Variants in C1GALT1 observed in about 807,000 individuals in gnomAD.
The protein encoded by C1GALT1 is core 1 synthase, glycoprotein-N-acetylgalactosamine 3-beta-galactosyltransferase 1, also known as glycoprotein-N-acetylgalactosamine 3-beta-galactosyltransferase 1.
Under a neutral mutation model 31.0 loss-of-function variants are expected in C1GALT1, and 11 were observed. The ratio of observed to expected loss-of-function variants is 0.36; its 90% CI spans 0.22 to 0.59. C1GALT1 has a LOEUF of 0.59. Among genes scored for constraint, C1GALT1 ranks in the 20% least tolerant of loss-of-function variants. The probability of loss-of-function intolerance (pLI) is 0.79; values close to 1 mark genes in which losing one functional copy is unlikely to be tolerated. For synonymous variants in C1GALT1, 175 were observed against 143.6 expected (o/e 1.22, Z -1.56); for missense variants, 424 against 425.2 (o/e 1.00, Z 0.03).
At chr7:7,227,492 G>A (rs10280192) in intron 1 of C1GALT1, among the ~76,000 whole-genome samples, 41 of 152,134 alleles carry the variant, frequency 2.7e-4, no homozygotes, top group African/African-American at 8.7e-4. Flanking sequence ...AGGCCGAGGC[G>A]GGCGGATCAC....
chr7:7,164,936 T>G (rs1401194953), intron 2 of C1GALT1, among the ~76,000 whole-genome samples: 1 of 152,134 alleles, frequency 6.6e-6, no homozygotes, highest in African/African-American at 2.4e-5. Context: ...CATGTAAATA[T>G]TATTTTGTAT....
rs575893715 is a variant in C1GALT1 at position 7,194,576 on chromosome 7, G to A, written c.-18+11756G>A. 9.9e-5 allele frequency among the ~76,000 whole-genome samples: 15 copies of A among 152,196 alleles called. No individual in the cohort carries two copies. In the South Asian group the frequency reaches 2.9e-3, roughly 29 times the overall value. ...ATATGCTGTTGGATTCGGCTAGCTA[G>A]TATTTTGTTGAGGATTTTTGCATCT... On this transcript the variant is annotated intron_variant, in intron 1 of 3. Coordinates refer to ENST00000436587, the MANE Select transcript of C1GALT1 (RefSeq NM_020156.5).
chr7:7,197,491 G>GT lies in C1GALT1; in HGVS notation c.-18+14678dup, dbSNP rs894134353. The stretch of plus-strand genomic sequence containing the variant: ...CAGGTAGCATGATGCCTCCAGCTTT[G>GT]TTTTTTTGGCTTAGGATTGTCTTGG... On this transcript the variant is annotated intron_variant, in intron 1 of 3. Transcript: ENST00000436587. Among the ~76,000 whole-genome samples, 37 of 152,164 alleles carry GT rather than the reference G, an allele frequency of 2.4e-4. No individual in the cohort carries two copies. The South Asian group carries it at 7.7e-3, about 32-fold the overall frequency.
intron 2 of C1GALT1, among the ~76,000 whole-genome samples, chr7:7,173,823 A>T (rs377368831): frequency 2.0e-5 from 3 of 152,200 alleles, no homozygotes; most frequent in African/African-American, 7.2e-5. Context: ...GGATCACTTA[A>T]GCCTGGGCGG....
At chr7:7,171,455 A>G (rs915410222) in intron 2 of C1GALT1, among the ~76,000 whole-genome samples, 3 of 152,082 alleles carry the variant, frequency 2.0e-5, no homozygotes, top group African/African-American at 7.2e-5. Context: ...TTTGGATGTA[A>G]TATCTTTTCC....
chr7:7,201,743 T>TATGCCC (rs1781539742), intron 1 of C1GALT1, among the ~76,000 whole-genome samples: 1 of 152,216 alleles, frequency 6.6e-6, no homozygotes, highest in Admixed American at 6.5e-5. Flanking sequence ...CCCCAGGCTA[T>TATGCCC]ATGCCCTCCC....
chr7:7,158,177 G>A (rs1446602224), intron 2 of C1GALT1, among the ~76,000 whole-genome samples: 1 of 152,262 alleles, frequency 6.6e-6, no homozygotes, highest in East Asian at 1.9e-4. Context: ...TTTAGAACCT[G>A]TTAGAATGTC....
At chr7:7,194,513 G>A (rs1273266379) in intron 1 of C1GALT1, among the ~76,000 whole-genome samples, 1 of 151,626 alleles carries the variant, frequency 6.6e-6, no homozygotes, top group African/African-American at 2.4e-5. Context: ...TGCACGCCTG[G>A]CATGAAACCC....
At chr7:7,227,569 A>AATT (rs1264680893) in intron 1 of C1GALT1, among the ~76,000 whole-genome samples, 1 of 151,774 alleles carries the variant, frequency 6.6e-6, no homozygotes, top group African/African-American at 2.4e-5. Context: ...AAACACAAAA[A>AATT]ATTAGCCGGG....
chr7:7,240,267 T>C (rs1783565883), intron 3 of C1GALT1, among the ~76,000 whole-genome samples: 1 of 152,166 alleles, frequency 6.6e-6, no homozygotes. Context: ...CTAAACATCC[T>C]AAAATGCACA....
intron 1 of C1GALT1, among the ~76,000 whole-genome samples, chr7:7,227,648 A>G (rs1464341628): frequency 2.0e-5 from 3 of 147,720 alleles, no homozygotes; most frequent in Non-Finnish European, 4.5e-5. Context: ...TGAACCCGGG[A>G]GGCGGAGCTT....
intron 2 of C1GALT1, 57 bp downstream of exon 2, chr7:7,234,596 C>A: frequency 3.9e-6 from 5 of 1,296,970 alleles, no homozygotes; most frequent in South Asian, 1.3e-5. Flanking sequence ...TAAATTTTGT[C>A]ATATTCCTGT....
intron 1 of C1GALT1, among the ~76,000 whole-genome samples, chr7:7,183,861 T>G (rs1013629151): frequency 2.0e-5 from 3 of 152,224 alleles, no homozygotes; most frequent in African/African-American, 4.8e-5. Flanking sequence ...ATTATGAATT[T>G]AAAAGTTATA....
intron 1 of C1GALT1, among the ~76,000 whole-genome samples, chr7:7,214,858 G>A (rs10251505): frequency 0.53 from 81,005 of 152,106 alleles, 22,950 homozygotes; most frequent in East Asian, 0.94. Flanking sequence ...AGACCAGGAA[G>A]CTAGCTACAA....
At chr7:7,195,525 AGT>A (rs1781245347) in intron 1 of C1GALT1, among the ~76,000 whole-genome samples, 1 of 152,108 alleles carries the variant, frequency 6.6e-6, no homozygotes, top group Non-Finnish European at 1.5e-5. Context: ...ATTCCACTAT[AGT>A]GTGAGAGAGT....
intron 1 of C1GALT1, among the ~76,000 whole-genome samples, chr7:7,228,221 A>C (rs1782890578): frequency 6.6e-6 from 1 of 152,210 alleles, no homozygotes; most frequent in African/African-American, 2.4e-5. Flanking sequence ...ACTTGTGATG[A>C]TTTCTTCCTT....
intron 3 of C1GALT1, among the ~76,000 whole-genome samples, chr7:7,239,500 G>A (rs1783526564): frequency 6.6e-6 from 1 of 152,156 alleles, no homozygotes; most frequent in Non-Finnish European, 1.5e-5. Context: ...TCACTTAATA[G>A]CCGAACAACC....
At chr7:7,185,224 C>G (rs141341918) in intron 1 of C1GALT1, among the ~76,000 whole-genome samples, 2 of 151,956 alleles carry the variant, frequency 1.3e-5, no homozygotes, top group Admixed American at 6.6e-5. Flanking sequence ...ATTGAAGGGG[C>G]GTGTTGGGGG....
upstream of C1GALT1, among the ~76,000 whole-genome samples, chr7:7,181,192 A>ATTGCGGAAAGGTGGAAGATG (rs1562555629): frequency 2.7e-5 from 3 of 109,110 alleles, no homozygotes; most frequent in Non-Finnish European, 4.0e-5. Context: ...ATGGCAAGAC[A>ATTGCGGAAAGGTGGAAGATG]TTGCGGAAAG....
Sources: gnomAD v4.1 joint callset for allele counts (sites outside exome capture counted in the v4.1 genomes callset) on GRCh38, gnomAD v4.1.1 for gene constraint, MANE v1.5 for transcripts, NCBI Gene and HGNC (gene_info 2026-07-23, HGNC 2026-07-21) for gene names.